The following NELL1 variants were observed in gnomAD, a reference collection of about 807,000 sequenced individuals.
NELL1 encodes the protein protein kinase C-binding protein NELL1.
NELL1 carries 76 observed loss-of-function variants against 107.4 expected under a neutral mutation model. The observed-to-expected ratio is 0.71, with a 90% CI of 0.59 to 0.86. NELL1 has a LOEUF of 0.86. NELL1 is among the 40% of genes least tolerant of loss of function. The pLI, the probability that NELL1 is intolerant of heterozygous loss-of-function variation, is 0.00. For missense variants in NELL1, 1,024 were observed against 1,005.5 expected (o/e 1.02, Z -0.25); for synonymous variants, 353 against 341.2 (o/e 1.03, Z -0.38).
rs186854070 is a variant in NELL1, at chr11:21,044,232, A to G, written c.1301-69357A>G. ...GCAGCAGGAAGGGATTTTAAGAAGG[A>G]GGAGTTAATTCTGTCAAATGCTGCT... On this transcript the variant is annotated intron_variant, in intron 12 of 19. Transcript: ENST00000357134. Among the ~76,000 whole-genome samples the G allele has an allele frequency of 2.1e-3, 317 of 152,270 alleles. 1 individual carries two copies. Among genetic ancestry groups the G allele is most frequent in the African/African-American group, 7.0e-3 (289 of 41,554 alleles).
rs1195504404 is a variant in NELL1 at position 20,874,541 on chromosome 11, A to T, written c.507-10903A>T. Among the ~76,000 whole-genome samples the T allele has an allele frequency of 2.0e-5, 3 of 152,180 alleles. No homozygotes were observed. In the East Asian group the frequency reaches 5.8e-4, roughly 29 times the overall value. ...ATAGCAATGCTTGTCTTTTAGGGTT[A>T]TTGAAAGGATTATAAAGTCTGTAAA... On this transcript the variant is annotated intron_variant, in intron 4 of 19. Coordinates refer to ENST00000357134, the MANE Select transcript of NELL1 (RefSeq NM_006157.5).
chr11:21,498,196 A>G (rs1855034525), intron 15 of NELL1, among the ~76,000 whole-genome samples: 1 of 151,542 alleles, frequency 6.6e-6, no homozygotes, highest in Admixed American at 6.6e-5. Context: ...TAAAATCTAA[A>G]TTCTTTTTAT....
intron 13 of NELL1, among the ~76,000 whole-genome samples, chr11:21,215,286 A>G (rs780416381): frequency 5.9e-5 from 9 of 152,176 alleles, no homozygotes; most frequent in Non-Finnish European, 1.2e-4. Flanking sequence ...TGCCATGATT[A>G]TAAGTTTCCT....
At chr11:21,139,804 T>G (rs1317745576) in intron 13 of NELL1, among the ~76,000 whole-genome samples, 2 of 152,112 alleles carry the variant, frequency 1.3e-5, no homozygotes, top group African/African-American at 4.8e-5. Flanking sequence ...ATAAGGAAGC[T>G]TTGTTGGCCC....
intron 13 of NELL1, among the ~76,000 whole-genome samples, chr11:21,119,048 A>C (rs977418086): frequency 6.6e-6 from 1 of 152,078 alleles, no homozygotes; most frequent in African/African-American, 2.4e-5. Flanking sequence ...GTCTGTGCCA[A>C]GGGGTTCATG....
intron 12 of NELL1, among the ~76,000 whole-genome samples, chr11:21,030,845 T>C (rs185011694): frequency 6.6e-6 from 1 of 152,244 alleles, no homozygotes; most frequent in African/African-American, 2.4e-5. Flanking sequence ...GCATATTTCC[T>C]TCCAGGGTTT....
chr11:21,354,339 C>G (rs1160471597), intron 14 of NELL1, among the ~76,000 whole-genome samples: 2 of 151,942 alleles, frequency 1.3e-5, no homozygotes, highest in Non-Finnish European at 2.9e-5. Flanking sequence ...TGTATTATTC[C>G]TCTTTTCCTC....
chr11:21,117,751 G>A (rs908144193), intron 13 of NELL1, among the ~76,000 whole-genome samples: 1 of 151,918 alleles, frequency 6.6e-6, no homozygotes, highest in African/African-American at 2.4e-5. Flanking sequence ...CTGTTGGAAT[G>A]GTCACTATAG....
At chr11:21,523,937 G>A (rs2133959188) in intron 15 of NELL1, among the ~76,000 whole-genome samples, 1 of 152,112 alleles carries the variant, frequency 6.6e-6, no homozygotes, top group African/African-American at 2.4e-5. Context: ...ATATGTATAT[G>A]TATGCATTTG....
At chr11:21,376,881 T>G (rs192186113) in intron 15 of NELL1, among the ~76,000 whole-genome samples, 2 of 152,166 alleles carry the variant, frequency 1.3e-5, no homozygotes, top group African/African-American at 4.8e-5. Context: ...GATACTAATT[T>G]TTATACATTG....
At chr11:21,385,611 C>T (rs890795626) in intron 15 of NELL1, among the ~76,000 whole-genome samples, 21 of 151,856 alleles carry the variant, frequency 1.4e-4, no homozygotes, top group Admixed American at 1.3e-3. Context: ...CTTCAAGTCC[C>T]CAGTCTTACT....
chr11:21,286,177 A>G (rs1849110701), intron 14 of NELL1, among the ~76,000 whole-genome samples: 1 of 152,196 alleles, frequency 6.6e-6, no homozygotes, highest in East Asian at 1.9e-4. Context: ...AACCTTTCCT[A>G]ATTGGGCATA....
chr11:21,315,310 T>C (rs912222003), intron 14 of NELL1, among the ~76,000 whole-genome samples: 8 of 152,142 alleles, frequency 5.3e-5, no homozygotes, highest in African/African-American at 9.7e-5. Context: ...TGAACTGAGA[T>C]TGGAACCAGA....
At chr11:20,760,982 C>T (rs941174850) in intron 2 of NELL1, among the ~76,000 whole-genome samples, 7 of 152,112 alleles carry the variant, frequency 4.6e-5, no homozygotes, top group Non-Finnish European at 7.4e-5. Context: ...GTGTGCTGTC[C>T]CGCGGGTATA....
chr11:21,082,533 G>C (rs1854293239), intron 12 of NELL1, among the ~76,000 whole-genome samples: 1 of 152,004 alleles, frequency 6.6e-6, no homozygotes, highest in Non-Finnish European at 1.5e-5. Context: ...TCTCTATACT[G>C]TTAAATTCAT....
intron 15 of NELL1, among the ~76,000 whole-genome samples, chr11:21,476,833 C>T (rs1854347261): frequency 6.6e-6 from 1 of 152,078 alleles, no homozygotes; most frequent in African/African-American, 2.4e-5. Flanking sequence ...TGCACTAAAA[C>T]ACAGTGCTGC....
At chr11:20,755,244 A>G (rs138730626) in intron 2 of NELL1, among the ~76,000 whole-genome samples, 1 of 152,276 alleles carries the variant, frequency 6.6e-6, no homozygotes, top group African/African-American at 2.4e-5. Flanking sequence ...AGCAGGCAGA[A>G]AACTAGCTGA....
intron 14 of NELL1, chr11:21,259,988 A>G (rs910777461): frequency 6.6e-6 from 1 of 151,902 alleles, no homozygotes; most frequent in South Asian, 2.1e-4. Context: ...TTAAAGTACA[A>G]CTCAGCATAG....
chr11:21,335,990 G>A (rs961125946), intron 14 of NELL1, among the ~76,000 whole-genome samples: 3 of 151,900 alleles, frequency 2.0e-5, no homozygotes, highest in East Asian at 1.9e-4. Context: ...AATTTCATGC[G>A]AAATCAACAA....
Sources: gnomAD v4.1 joint callset for allele counts (sites outside exome capture counted in the v4.1 genomes callset) on GRCh38, gnomAD v4.1.1 for gene constraint, MANE v1.5 for transcripts, NCBI Gene and HGNC (gene_info 2026-07-23, HGNC 2026-07-21) for gene names.